Variants in TTLL11 observed in about 807,000 individuals in gnomAD.
The protein encoded by TTLL11 is tubulin tyrosine ligase like 11, also known as tubulin polyglutamylase TTLL11.
In TTLL11, 42 loss-of-function variants were observed where a neutral mutation model predicts 51.7. That is an observed-to-expected ratio of 0.81 (90% CI 0.64 to 1.05). The LOEUF is 1.05. Ranked by LOEUF, TTLL11 falls within the 50% of genes least tolerant of loss-of-function variation. TTLL11 has a pLI of 0.00. For missense variants in TTLL11, 799 were observed against 940.4 expected (o/e 0.85, Z 1.97); for synonymous variants, 381 against 383.5 (o/e 0.99, Z 0.08).
chr9:121,852,011 G>A (rs1037701075), intron 8 of TTLL11, among the ~76,000 whole-genome samples: 37 of 152,300 alleles, frequency 2.4e-4, no homozygotes, highest in African/African-American at 8.7e-4. Context: ...TGCCTGTGAC[G>A]GTTGTCACTG....
chr9:121,825,071 C>T (rs960094143), intron 8 of TTLL11, among the ~76,000 whole-genome samples: 4 of 152,208 alleles, frequency 2.6e-5, no homozygotes, highest in African/African-American at 9.7e-5. Context: ...ACCAGGGTTA[C>T]TTTTAATGTA....
At chr9:121,883,169 G>A (rs894137844) in intron 6 of TTLL11, among the ~76,000 whole-genome samples, 2 of 152,178 alleles carry the variant, frequency 1.3e-5, no homozygotes, top group African/African-American at 4.8e-5. Flanking sequence ...AATTTATGGT[G>A]ATGAGAATAA....
intron 8 of TTLL11, among the ~76,000 whole-genome samples, chr9:121,826,504 T>TAC (rs1836787392): frequency 3.3e-5 from 2 of 60,862 alleles, no homozygotes; most frequent in African/African-American, 2.0e-4. Context: ...TGTGTGTGTA[T>TAC]ATATATATAT....
chr9:121,917,640 G>GGAGGGAAGA (rs1475657268), intron 6 of TTLL11, among the ~76,000 whole-genome samples: 20 of 147,416 alleles, frequency 1.4e-4, no homozygotes, highest in African/African-American at 4.8e-4. Flanking sequence ...GGGAGGGAAG[G>GGAGGGAAGA]GAGGGAAGGA....
At chr9:121,940,528 G>C (rs1259525608) in intron 6 of TTLL11, among the ~76,000 whole-genome samples, 2 of 152,006 alleles carry the variant, frequency 1.3e-5, no homozygotes, top group African/African-American at 4.8e-5. Context: ...AGTGGAGACG[G>C]GGTTTCACTA....
chr9:122,062,952 T>C (rs1258662544), intron 1 of TTLL11, among the ~76,000 whole-genome samples: 1 of 152,014 alleles, frequency 6.6e-6, no homozygotes, highest in Admixed American at 6.6e-5. Flanking sequence ...GCTAATTTTG[T>C]TTATTGTTTG....
At chr9:121,941,713 C>T (rs953078321) in intron 6 of TTLL11, among the ~76,000 whole-genome samples, 10 of 152,268 alleles carry the variant, frequency 6.6e-5, no homozygotes, top group Admixed American at 2.0e-4. Context: ...GCCAACTGGC[C>T]CTGCAGCCTT....
intron 1 of TTLL11, among the ~76,000 whole-genome samples, chr9:122,054,457 A>G (rs1205199216): frequency 1.3e-5 from 2 of 152,182 alleles, no homozygotes; most frequent in African/African-American, 4.8e-5. Flanking sequence ...AAAACTTCAC[A>G]AACTTCTAAA....
chr9:122,026,085 A>G (rs1844326120), intron 3 of TTLL11, among the ~76,000 whole-genome samples: 1 of 152,194 alleles, frequency 6.6e-6, no homozygotes, highest in African/African-American at 2.4e-5. Context: ...GTGCAAAGTT[A>G]TCTTGACAGA....
chr9:122,011,201 G>A (rs534389374), intron 3 of TTLL11, among the ~76,000 whole-genome samples: 3 of 151,980 alleles, frequency 2.0e-5, no homozygotes, highest in Non-Finnish European at 4.4e-5. Context: ...TTTGCCTTCC[G>A]CCACGATTGT....
intron 6 of TTLL11, among the ~76,000 whole-genome samples, chr9:121,899,402 T>TATATACAC (rs1465376759): frequency 6.0e-5 from 5 of 82,752 alleles, no homozygotes; most frequent in East Asian, 7.1e-4. Flanking sequence ...TATATATATA[T>TATATACAC]ACACACACAC....
intron 6 of TTLL11, among the ~76,000 whole-genome samples, chr9:121,933,093 A>G (rs1841056752): frequency 6.6e-6 from 1 of 152,240 alleles, no homozygotes; most frequent in South Asian, 2.1e-4. Flanking sequence ...GGTGATTAAT[A>G]TAACACGGCG....
At chr9:122,049,702 T>C (rs1194781760) in intron 1 of TTLL11, among the ~76,000 whole-genome samples, 1 of 152,176 alleles carries the variant, frequency 6.6e-6, no homozygotes, top group Admixed American at 6.5e-5. Flanking sequence ...AATCTGTGTT[T>C]AAGGAATTGA....
At chr9:122,025,533 T>C in intron 3 of TTLL11, among the ~76,000 whole-genome samples, 1 of 152,114 alleles carries the variant, frequency 6.6e-6, no homozygotes, top group East Asian at 1.9e-4. Context: ...CTTGGGAGGA[T>C]CGCTTGAGCC....
At chr9:122,072,725 C>T (rs1415790094) in intron 1 of TTLL11, among the ~76,000 whole-genome samples, 1 of 152,136 alleles carries the variant, frequency 6.6e-6, no homozygotes, top group African/African-American at 2.4e-5. Context: ...AGCCCCTGCC[C>T]CCTGCTACCT....
chr9:121,962,710 T>C (rs570579601), intron 6 of TTLL11, among the ~76,000 whole-genome samples: 3 of 152,376 alleles, frequency 2.0e-5, no homozygotes, highest in South Asian at 2.1e-4. Flanking sequence ...GGACTCTCTC[T>C]TGTCTCATGT....
At chr9:121,966,229 G>T (rs879865445) in intron 6 of TTLL11, among the ~76,000 whole-genome samples, 7 of 152,162 alleles carry the variant, frequency 4.6e-5, no homozygotes, top group Admixed American at 2.0e-4. Flanking sequence ...AGGGGCTTCT[G>T]GGCCATATAT....
intron 6 of TTLL11, among the ~76,000 whole-genome samples, chr9:121,954,599 T>C (rs1421389182): frequency 6.6e-6 from 1 of 151,924 alleles, no homozygotes; most frequent in Admixed American, 6.6e-5. Context: ...AAGCAAACCT[T>C]TCTCTTCAGA....
chr9:121,846,001 C>T (rs1447860076), intron 8 of TTLL11, among the ~76,000 whole-genome samples: 2 of 151,902 alleles, frequency 1.3e-5, no homozygotes, highest in Non-Finnish European at 2.9e-5. Flanking sequence ...AAACGAGACC[C>T]AACTGAAACA....
Sources: allele counts gnomAD v4.1 joint callset (sites outside exome capture counted in the v4.1 genomes callset), GRCh38; gene constraint gnomAD v4.1.1; transcripts MANE v1.5; gene names NCBI Gene and HGNC (gene_info 2026-07-23, HGNC 2026-07-21).